Variants in MSI2 observed in about 807,000 individuals in gnomAD.
The protein encoded by MSI2 is musashi RNA binding protein 2.
In MSI2, 17 loss-of-function variants were observed where a neutral mutation model predicts 45.6. That is an observed-to-expected ratio of 0.37 (90% CI 0.26 to 0.56). The LOEUF is 0.56. Among genes scored for constraint, MSI2 ranks in the 20% least tolerant of loss-of-function variants. The pLI is 0.77. For missense variants in MSI2, 293 were observed against 444.2 expected (o/e 0.66, Z 3.06); for synonymous variants, 156 against 158.2 (o/e 0.99, Z 0.11).
At chr17:57,632,330 G>C (rs1265748371) in intron 10 of MSI2, 2 of 1,067,584 alleles carry the variant, frequency 1.9e-6, no homozygotes, top group East Asian at 9.9e-5. Flanking sequence ...TATTCTCTAA[G>C]AATGTGAGAA....
At chr17:57,678,405 TG>T (rs1162403026) in intron 13 of MSI2, among the ~76,000 whole-genome samples, 1 of 152,200 alleles carries the variant, frequency 6.6e-6, no homozygotes, top group African/African-American at 2.4e-5. Context: ...AAGCTGGGTT[TG>T]GGGACCCAGA....
In MSI2 at chr17:57,679,723, A is replaced by T; in HGVS notation, c.*206A>T. On this transcript the variant is annotated 3_prime_UTR_variant, in exon 14 of 14. Coordinates refer to ENST00000284073, the MANE Select transcript of MSI2 (RefSeq NM_138962.4). ...CATCTCACGAATCTGCTGTAATATA[A>T]GACAACAGCTTTTAAATGTGTATAT... 1.9e-6 allele frequency: 1 copy of T among 525,656 alleles called. No homozygotes were observed. The highest frequency in any genetic ancestry group is 2.6e-6 in the Non-Finnish European group (1 of 385,460). 32.6% of individuals were successfully genotyped at this position (525,656 alleles called of 1,614,324 possible). A position where few individuals can be genotyped will look rare whatever the true frequency, so the allele number is the denominator to read the frequency against.
chr17:57,338,401 T>C (rs1401994405), intron 5 of MSI2, among the ~76,000 whole-genome samples: 1 of 152,232 alleles, frequency 6.6e-6, no homozygotes, highest in Non-Finnish European at 1.5e-5. Context: ...TTTTATTTTA[T>C]TTTTTGAGAC....
intron 6 of MSI2, among the ~76,000 whole-genome samples, chr17:57,504,292 C>T (rs2086180447): frequency 6.6e-6 from 1 of 152,204 alleles, no homozygotes; most frequent in African/African-American, 2.4e-5. Flanking sequence ...AAGGCAGCCC[C>T]CCGGGATTCT....
chr17:57,275,114 C>A (rs1413208454), intron 5 of MSI2, among the ~76,000 whole-genome samples: 1 of 152,222 alleles, frequency 6.6e-6, no homozygotes, highest in Non-Finnish European at 1.5e-5. Flanking sequence ...TAGAGAAAAG[C>A]AGGCCATAAA....
At chr17:57,664,368 A>G (rs1206055225) in intron 11 of MSI2, among the ~76,000 whole-genome samples, 1 of 152,034 alleles carries the variant, frequency 6.6e-6, no homozygotes, top group Non-Finnish European at 1.5e-5. Flanking sequence ...AAATACAAAA[A>G]TCAGCCAGGT....
At chr17:57,595,793 T>C (rs1905202279) in intron 7 of MSI2, among the ~76,000 whole-genome samples, 1 of 152,182 alleles carries the variant, frequency 6.6e-6, no homozygotes, top group Non-Finnish European at 1.5e-5. Flanking sequence ...TTGTGAATCC[T>C]GATTTGGGCT....
At chr17:57,510,310 G>GT (rs1598348989) in intron 6 of MSI2, among the ~76,000 whole-genome samples, 1 of 151,792 alleles carries the variant, frequency 6.6e-6, no homozygotes, top group East Asian at 1.9e-4. Flanking sequence ...GAGCCCTCTC[G>GT]TTTCTTCCTA....
chr17:57,373,001 C>T (rs984117058), intron 5 of MSI2, among the ~76,000 whole-genome samples: 1 of 152,158 alleles, frequency 6.6e-6, no homozygotes, highest in African/African-American at 2.4e-5. Flanking sequence ...GTAATCCCGA[C>T]ACTTTATGAA....
chr17:57,493,608 T>C (rs2085918381), intron 6 of MSI2, among the ~76,000 whole-genome samples: 1 of 150,266 alleles, frequency 6.7e-6, no homozygotes, highest in South Asian at 2.1e-4. Context: ...TCCCTCCAAC[T>C]AGATGAAGGC....
At chr17:57,428,944 A>G (rs1039755261) in intron 6 of MSI2, among the ~76,000 whole-genome samples, 4 of 152,186 alleles carry the variant, frequency 2.6e-5, no homozygotes, top group African/African-American at 9.7e-5. Flanking sequence ...TTTGTGATGC[A>G]TTCTATGGGC....
At chr17:57,427,706 A>G (rs2084520989) in intron 6 of MSI2, among the ~76,000 whole-genome samples, 1 of 152,150 alleles carries the variant, frequency 6.6e-6, no homozygotes, top group Non-Finnish European at 1.5e-5. Flanking sequence ...TCTCCATCCA[A>G]TCCATATGGG....
chr17:57,372,941 C>T (rs2083441698), intron 5 of MSI2, among the ~76,000 whole-genome samples: 1 of 151,994 alleles, frequency 6.6e-6, no homozygotes. Context: ...AAATAAAGGG[C>T]ATCTGGATTT....
At chr17:57,687,006 C>CT (rs551462091), downstream of MSI2, among the ~76,000 whole-genome samples, 76 of 45,192 alleles carry the variant, frequency 1.7e-3, 1 homozygote, top group South Asian at 0.057. Flanking sequence ...TGGCCAGCAG[C>CT]CCCCCCCCCA....
chr17:57,456,963 G>T (rs2085128155), intron 6 of MSI2, among the ~76,000 whole-genome samples: 1 of 152,134 alleles, frequency 6.6e-6, no homozygotes, highest in Admixed American at 6.6e-5. Flanking sequence ...CACTTCATTT[G>T]GAAAGTTGTT....
downstream of MSI2, among the ~76,000 whole-genome samples, chr17:57,685,930 C>G (rs574288941): frequency 1.3e-5 from 2 of 152,322 alleles, no homozygotes; most frequent in South Asian, 4.1e-4. Context: ...AGGCCCAAAC[C>G]CAGCCCAGGA....
At chr17:57,414,141 AATGGG>A (rs2084249318) in intron 6 of MSI2, among the ~76,000 whole-genome samples, 2 of 149,900 alleles carry the variant, frequency 1.3e-5, no homozygotes, top group African/African-American at 5.1e-5. Flanking sequence ...GAGAATCCAT[AATGGG>A]AATACGGAAG....
In MSI2 at chr17:57,549,177, A is replaced by G. The variant is rs548860792; in HGVS notation, c.454+19453A>G. ...GGCGTGAGCCGCCGGGCGCCGGCCG[A>G]CAGAATTGTTAATGAGTATATATTA... On this transcript the variant is annotated intron_variant, in intron 7 of 13. Transcript: ENST00000284073. Among the ~76,000 whole-genome samples the G allele has an allele frequency of 2.6e-5, 4 of 152,326 alleles. No homozygotes were observed. The South Asian group carries it at 8.3e-4, about 32-fold the overall frequency.
chr17:57,422,791 A>T (rs557725567), intron 6 of MSI2, among the ~76,000 whole-genome samples: 3 of 152,300 alleles, frequency 2.0e-5, no homozygotes, highest in African/African-American at 7.2e-5. Context: ...TTTCATTTTA[A>T]TTTGGATATT....
Sources: gnomAD v4.1 joint callset for allele counts (sites outside exome capture counted in the v4.1 genomes callset) on GRCh38, gnomAD v4.1.1 for gene constraint, MANE v1.5 for transcripts, NCBI Gene and HGNC (gene_info 2026-07-23, HGNC 2026-07-21) for gene names.